Variants in WWOX observed in about 807,000 individuals in gnomAD.
The protein encoded by WWOX is WW domain-containing oxidoreductase.
A neutral mutation model predicts 46.2 loss-of-function variants in WWOX; 69 were observed. The observed-to-expected ratio is 1.49, with a 90% CI of 1.23 to 1.82. The LOEUF is 1.82. Among genes scored for constraint, WWOX ranks in the 40% most tolerant of loss-of-function variants. The pLI is 0.00. For missense variants in WWOX, 919 were observed against 542.6 expected, an observed-to-expected ratio of 1.69 and a Z score of -6.89; for synonymous variants, 359 against 202.6, an observed-to-expected ratio of 1.77 and a Z score of -6.56.
At chr16:78,729,333 CCCTG>C (rs553240331) in intron 8 of WWOX, among the ~76,000 whole-genome samples, 55 of 148,672 alleles carry the variant, frequency 3.7e-4, no homozygotes, top group Non-Finnish European at 7.3e-4. Context: ...CAGAGCAAGA[CCCTG>C]CCTCAAAAAA....
chr16:78,221,029 A>G (rs144684396), intron 5 of WWOX, among the ~76,000 whole-genome samples: 7 of 152,208 alleles, frequency 4.6e-5, no homozygotes, highest in Non-Finnish European at 2.9e-5. Context: ...CAAATGTATC[A>G]TATATCTTTA....
At chr16:78,814,579 T>C (rs2142721353) in intron 8 of WWOX, among the ~76,000 whole-genome samples, 1 of 152,298 alleles carries the variant, frequency 6.6e-6, no homozygotes, top group East Asian at 1.9e-4. Flanking sequence ...TGTGTACTTT[T>C]CCAACCTATC....
intron 5 of WWOX, among the ~76,000 whole-genome samples, chr16:78,314,570 G>C (rs368900287): frequency 2.1e-3 from 316 of 147,166 alleles, no homozygotes; most frequent in African/African-American, 7.7e-3. Context: ...TGTCGCCCAG[G>C]CTGGAGTGTA....
chr16:78,929,948 G>C (rs560139457), intron 8 of WWOX, among the ~76,000 whole-genome samples: 1 of 152,214 alleles, frequency 6.6e-6, no homozygotes, highest in East Asian at 1.9e-4. Flanking sequence ...AAAATTCCCT[G>C]TGCTAACTGC....
intron 4 of WWOX, among the ~76,000 whole-genome samples, chr16:78,159,449 C>T (rs1013374406): frequency 2.6e-5 from 4 of 152,060 alleles, no homozygotes; most frequent in Admixed American, 6.5e-5. Context: ...AAGTTTCTCA[C>T]GCATAAGGGG....
intron 8 of WWOX, among the ~76,000 whole-genome samples, chr16:78,492,758 C>T (rs1384935825): frequency 1.3e-5 from 2 of 152,220 alleles, no homozygotes; most frequent in Non-Finnish European, 2.9e-5. Flanking sequence ...AGAGAATATG[C>T]ATAATCACAT....
At chr16:79,074,531 G>A (rs2048618004) in intron 8 of WWOX, among the ~76,000 whole-genome samples, 1 of 145,740 alleles carries the variant, frequency 6.9e-6, no homozygotes, top group Non-Finnish European at 1.5e-5. Context: ...GGGGACAACA[G>A]TGACCATGAG....
chr16:78,765,656 G>A (rs555557442), intron 8 of WWOX, among the ~76,000 whole-genome samples: 9 of 152,220 alleles, frequency 5.9e-5, no homozygotes, highest in Middle Eastern at 3.4e-3. Context: ...TGCAGCTTGG[G>A]AAACAGAGTG....
chr16:78,376,442 T>G (rs2081827971), intron 5 of WWOX, among the ~76,000 whole-genome samples: 1 of 152,194 alleles, frequency 6.6e-6, no homozygotes, highest in Admixed American at 6.5e-5. Flanking sequence ...GCAGTAGGAC[T>G]TTGGGGCACG....
At chr16:78,955,253 A>G (rs1032297052) in intron 8 of WWOX, among the ~76,000 whole-genome samples, 5 of 152,190 alleles carry the variant, frequency 3.3e-5, no homozygotes, top group African/African-American at 1.2e-4. Flanking sequence ...GTGCATCTTC[A>G]CAGATGGACC....
intron 8 of WWOX, among the ~76,000 whole-genome samples, chr16:79,099,081 A>C (rs1444132948): frequency 6.7e-6 from 1 of 149,540 alleles, no homozygotes; most frequent in East Asian, 1.9e-4. Context: ...ATGGGCAGAG[A>C]GGAAGCAAGA....
intron 8 of WWOX, among the ~76,000 whole-genome samples, chr16:78,648,325 T>G (rs547125809): frequency 7.5e-4 from 114 of 152,288 alleles, no homozygotes; most frequent in African/African-American, 2.2e-3. Context: ...GAAACGCTGG[T>G]GGGTGCTCAC....
intron 8 of WWOX, among the ~76,000 whole-genome samples, chr16:78,753,814 AAAAAAAAAAAAATATATATATAT>A (rs1352863970): frequency 5.9e-5 from 5 of 84,662 alleles, no homozygotes; most frequent in African/African-American, 2.3e-4. Flanking sequence ...AAAAAAAAAA[AAAAAAAAAAAAATATATATATAT>A]ATATATATAT....
chr16:78,130,302 A>G (rs2151695395), intron 4 of WWOX, among the ~76,000 whole-genome samples: 1 of 152,274 alleles, frequency 6.6e-6, no homozygotes, highest in African/African-American at 2.4e-5. Flanking sequence ...TGAGAAGAGG[A>G]TAGAAAGGTA....
intron 8 of WWOX, among the ~76,000 whole-genome samples, chr16:78,702,501 A>G (rs2048245712): frequency 6.6e-6 from 1 of 151,752 alleles, no homozygotes. Context: ...AAATACAAAA[A>G]TTAGCCAGGC....
At chr16:78,805,073 T>C (rs1178658280) in intron 8 of WWOX, among the ~76,000 whole-genome samples, 1 of 152,192 alleles carries the variant, frequency 6.6e-6, no homozygotes, top group Non-Finnish European at 1.5e-5. Flanking sequence ...AAAAGTACTT[T>C]TCTGCATGTG....
At chr16:79,071,583 C>G (rs1035545684) in intron 8 of WWOX, among the ~76,000 whole-genome samples, 4 of 152,216 alleles carry the variant, frequency 2.6e-5, no homozygotes, top group African/African-American at 9.6e-5. Flanking sequence ...TTCACTGGCT[C>G]TCTGCCAGCC....
chr16:78,204,146 G>T (rs1597348717), intron 5 of WWOX, among the ~76,000 whole-genome samples: 1 of 152,350 alleles, frequency 6.6e-6, no homozygotes, highest in East Asian at 1.9e-4. Context: ...GAGAGCCATA[G>T]CAGCTGGCTT....
At chr16:79,056,419 G>T (rs1347103896) in intron 8 of WWOX, among the ~76,000 whole-genome samples, 1 of 152,202 alleles carries the variant, frequency 6.6e-6, no homozygotes, top group Non-Finnish European at 1.5e-5. Context: ...CCTGTGCCTT[G>T]TCCTGTGGTT....
Sources: gnomAD v4.1 joint callset for allele counts (sites outside exome capture counted in the v4.1 genomes callset) on GRCh38, gnomAD v4.1.1 for gene constraint, MANE v1.5 for transcripts, NCBI Gene and HGNC (gene_info 2026-07-23, HGNC 2026-07-21) for gene names.